Variants in DUSP6 observed in about 807,000 individuals in gnomAD.
DUSP6 encodes dual specificity phosphatase 6.
Under a neutral mutation model 28.0 loss-of-function variants are expected in DUSP6, and 6 were observed. That is an observed-to-expected ratio of 0.21 (90% CI 0.12 to 0.42). The LOEUF (loss-of-function observed/expected upper bound fraction) is 0.42, where lower values mean the gene tolerates loss of function less well. Ranked by LOEUF, DUSP6 falls within the 10% of genes least tolerant of loss-of-function variation. The pLI is 1.00. For missense variants in DUSP6, 451 were observed against 498.1 expected, an observed-to-expected ratio of 0.91 and a Z score of 0.90; for synonymous variants, 252 against 217.5, an observed-to-expected ratio of 1.16 and a Z score of -1.40.
rs1020641400 is a variant in DUSP6 at position 89,348,609 on chromosome 12, G to C, written c.*645C>G. The C allele has an allele frequency of 1.3e-5, 2 of 152,478 alleles. No individual in the cohort carries two copies. The highest frequency in any genetic ancestry group is 2.9e-5 in the Non-Finnish European group (2 of 68,026). 9.4% of individuals were successfully genotyped at this position (152,478 alleles called of 1,614,324 possible). A position where few individuals can be genotyped will look rare whatever the true frequency, so the allele number is the denominator to read the frequency against. On this transcript the variant is annotated 3_prime_UTR_variant, in exon 3 of 3. Transcript: ENST00000279488. The stretch of plus-strand genomic sequence containing the variant: ...CAAATATACCCTTTGGATTAGAAAA[G>C]AGCACAATTTTCTTTTTTTGTTTTG...
Position 89,352,153 on chromosome 12 carries a change from C to G in DUSP6, c.-114G>C. ...CTCTCGGAGCGGGGTTTAATTCCGC[C>G]TCGCCTTACCCAAGCCGAGGCTAGC... On this transcript the variant is annotated 5_prime_UTR_variant, in exon 1 of 3. Coordinates refer to ENST00000279488, the MANE Select transcript of DUSP6 (RefSeq NM_001946.4). 6.8e-7 allele frequency: 1 copy of G among 1,475,000 alleles called. No individual in the cohort carries two copies. Among genetic ancestry groups the G allele is most frequent in the East Asian group, 2.3e-5 (1 of 43,730 alleles). 91.4% of individuals were successfully genotyped at this position (1,475,000 alleles called of 1,614,324 possible). A position where few individuals can be genotyped will look rare whatever the true frequency, so the allele number is the denominator to read the frequency against.
intron 2 of DUSP6, 104 bp from the exon 3 acceptor site, chr12:89,349,665 T>A (rs1879113612): frequency 4.7e-6 from 4 of 856,160 alleles, no homozygotes; most frequent in Non-Finnish European, 7.1e-6. Flanking sequence ...TAATAATAGT[T>A]GTGTGTGGCA....
At position 89,347,878 on chromosome 12, in the gene DUSP6, G is replaced by A. The variant is rs936490098; in HGVS notation, c.*1376C>T. On this transcript the variant is annotated 3_prime_UTR_variant, in exon 3 of 3. Coordinates refer to ENST00000279488, the MANE Select transcript of DUSP6 (RefSeq NM_001946.4). ...TACACGGTACAGTCGGTCCATTCTAGGATGTCATCTTTATTCGTGGCAAAC... is the reference window on the plus strand; with the variant it reads ...TACACGGTACAGTCGGTCCATTCTAAGATGTCATCTTTATTCGTGGCAAAC... 1 of 152,136 alleles carries A rather than the reference G, an allele frequency of 6.6e-6. No individual in the cohort carries two copies. The highest frequency in any genetic ancestry group is 2.4e-5 in the African/African-American group (1 of 41,418). The allele number at this position is 152,136 out of a possible 1,614,324, so 9.4% of individuals were successfully genotyped here.
intron 2 of DUSP6, among the ~76,000 whole-genome samples, chr12:89,350,346 G>A (rs943939249): frequency 6.6e-6 from 1 of 152,204 alleles, no homozygotes; most frequent in African/African-American, 2.4e-5. Context: ...GACTGTCAAT[G>A]ACTGAATTCA....
intron 1 of DUSP6, 175 bp from the exon 2 acceptor site, chr12:89,351,200 C>G: frequency 1.3e-6 from 1 of 766,176 alleles, no homozygotes; most frequent in Non-Finnish European, 2.0e-6. Flanking sequence ...ATGGAACGAA[C>G]GGGCCCGCCT....
rs375413401 is a variant in DUSP6, at chr12:89,351,043, G to A, written c.401-18C>T. 1.2e-5 allele frequency: 18 copies of A among 1,561,086 alleles called. No individual in the cohort carries two copies. In the East Asian group the frequency reaches 1.6e-4, roughly 14 times the overall value. ...GAAGCCACCTGCCAGAACGAGAAAA[G>A]CAATCATCTAACCTGAGAAGCCGTA... On this transcript the variant is annotated intron_variant, in intron 1 of 2. Coordinates refer to ENST00000279488, the MANE Select transcript of DUSP6 (RefSeq NM_001946.4).
rs1421520341 is a variant in DUSP6 at position 89,348,699 on chromosome 12, AG to A, written c.*554del. 6.5e-6 allele frequency: 1 copy of A among 152,750 alleles called. No homozygotes were observed. The highest frequency in any genetic ancestry group is 1.5e-5 in the Non-Finnish European group (1 of 68,096). The allele number at this position is 152,750 out of a possible 1,614,324, so 9.5% of individuals were successfully genotyped here. ...GGATAATTTCTTTTAAGCCCATCAA[AG>A]GAAAAAACAAACACAATTCAAACAA... On this transcript the variant is annotated 3_prime_UTR_variant, in exon 3 of 3. Transcript: ENST00000279488.
At chr12:89,350,169 A>G (rs1187026347) in intron 2 of DUSP6, among the ~76,000 whole-genome samples, 1 of 152,236 alleles carries the variant, frequency 6.6e-6, no homozygotes, top group Non-Finnish European at 1.5e-5. Flanking sequence ...GATAACATTC[A>G]GCATTCATAC....
At position 89,352,238 on chromosome 12, in the gene DUSP6, G is replaced by T. The variant is rs1027559997; in HGVS notation, c.-199C>A. On this transcript the variant is annotated 5_prime_UTR_variant, in exon 1 of 3. Transcript: ENST00000279488. ...GTTCTCTCTGCACCCAGCTGCAGCC[G>T]CTGGCTCTTAGTGTCAATGAATCTC... 4.1e-6 allele frequency: 3 copies of T among 724,334 alleles called. No individual in the cohort carries two copies. Among genetic ancestry groups the T allele is most frequent in the Non-Finnish European group, 6.6e-6 (3 of 451,798 alleles). 44.9% of individuals were successfully genotyped at this position (724,334 alleles called of 1,614,324 possible). A position where few individuals can be genotyped will look rare whatever the true frequency, so the allele number is the denominator to read the frequency against.
At position 89,352,403 on chromosome 12, in the gene DUSP6, T is replaced by G; in HGVS notation, c.-364A>C. The G allele has an allele frequency of 1.3e-5, 3 of 227,724 alleles. No individual in the cohort carries two copies. The highest frequency in any genetic ancestry group is 2.3e-5 in the African/African-American group (1 of 44,298). 14.1% of individuals were successfully genotyped at this position (227,724 alleles called of 1,614,324 possible). A position where few individuals can be genotyped will look rare whatever the true frequency, so the allele number is the denominator to read the frequency against. ...TCCCTCCAAGGCTGCACCTCAAATCTACCCGGGCGTCTTTCTCCCCGGATT... is the reference window on the plus strand; with the variant it reads ...TCCCTCCAAGGCTGCACCTCAAATCGACCCGGGCGTCTTTCTCCCCGGATT... On this transcript the variant is annotated 5_prime_UTR_variant, in exon 1 of 3. Coordinates refer to ENST00000279488, the MANE Select transcript of DUSP6 (RefSeq NM_001946.4).
At position 89,350,647 on chromosome 12, in the gene DUSP6, A is replaced by C; in HGVS notation, c.779T>G (p.Ile260Ser). 6.2e-7 allele frequency: 1 copy of C among 1,614,148 alleles called. No homozygotes were observed. The highest frequency in any genetic ancestry group is 8.5e-7 in the Non-Finnish European group (1 of 1,180,014). Reference protein sequence around the residue: ...AGEFKYKQIPISDHWSQNLSQ... With the variant: ...AGEFKYKQIPSSDHWSQNLSQ... Reference sequence around the variant, plus strand: ...CAGGTTTTGGCTCCAGTGATCCGAGATGGGGATTTGCTTGTATTTAAACTC... The same window carrying C: ...CAGGTTTTGGCTCCAGTGATCCGAGCTGGGGATTTGCTTGTATTTAAACTC... Residue 260 changes from isoleucine (I) to serine (S), a missense_variant, in exon 2 of 3, where the codon ATC becomes AGC. Coordinates refer to ENST00000279488, the MANE Select transcript of DUSP6 (RefSeq NM_001946.4).
At position 89,348,438 on chromosome 12, in the gene DUSP6, CA is replaced by C. The variant is rs1879056821; in HGVS notation, c.*815del. On this transcript the variant is annotated 3_prime_UTR_variant, in exon 3 of 3. Coordinates refer to ENST00000279488, the MANE Select transcript of DUSP6 (RefSeq NM_001946.4). Reference sequence around the variant, plus strand: ...GCGACAACACAAGCAAAAATATTTACAAAGGTAAGGCATAGTCAAACTACAT... The same window carrying C: ...GCGACAACACAAGCAAAAATATTTACAAGGTAAGGCATAGTCAAACTACAT... 6.6e-6 allele frequency: 1 copy of C among 151,844 alleles called. No homozygotes were observed. The highest frequency in any genetic ancestry group is 2.4e-5 in the African/African-American group (1 of 41,296). 9.4% of individuals were successfully genotyped at this position (151,844 alleles called of 1,614,324 possible).
rs1196233353 is a variant in DUSP6 at position 89,351,679 on chromosome 12, T to G, written c.361A>C (p.Lys121Gln). Residue 121 changes from lysine (K) to glutamine (Q), a missense_variant, in exon 1 of 3, where the codon AAG becomes CAG. Around this residue, in one of 2 missense-constraint regions of DUSP6, gnomAD observed 347 missense variants for 346.6 expected, o/e 1.00. Coordinates refer to ENST00000279488, the MANE Select transcript of DUSP6 (RefSeq NM_001946.4). The stretch of plus-strand genomic sequence containing the variant: ...GCCCGGCAGCCCTCGTCCTTGAGCT[T>G]CTTGAGCAGCAGCCCGAGCACCGAC... ...GESVLGLLLK[K>Q]LKDEGCRAFY... 6.2e-7 allele frequency: 1 copy of G among 1,608,040 alleles called. No homozygotes were observed.
chr12:89,351,104 G>T (rs1257280560), intron 1 of DUSP6, 79 bp from the exon 2 acceptor site: 3 of 1,446,240 alleles, frequency 2.1e-6, no homozygotes, highest in African/African-American at 1.4e-5. Context: ...GCAGCCCGGC[G>T]CAAGAAACAC....
rs561960130 is a variant in DUSP6 at position 89,348,234 on chromosome 12, G to T, written c.*1020C>A. The T allele has an allele frequency of 7.2e-5, 11 of 152,622 alleles. No individual in the cohort carries two copies. The South Asian group carries it at 2.3e-3, about 32-fold the overall frequency. The allele number at this position is 152,622 out of a possible 1,614,324, so 9.5% of individuals were successfully genotyped here. The stretch of plus-strand genomic sequence containing the variant: ...CCATGCTCACACACACACACTTCCA[G>T]TTTTATACAAATTTTTTTAAAGGAA... On this transcript the variant is annotated 3_prime_UTR_variant, in exon 3 of 3. Coordinates refer to ENST00000279488, the MANE Select transcript of DUSP6 (RefSeq NM_001946.4).
chr12:89,352,168 C>G lies in DUSP6; in HGVS notation c.-129G>C. The G allele has an allele frequency of 7.1e-7, 1 of 1,404,012 alleles. No homozygotes were observed. The highest frequency in any genetic ancestry group is 9.6e-7 in the Non-Finnish European group (1 of 1,042,868). The allele number at this position is 1,404,012 out of a possible 1,614,324, so 87.0% of individuals were successfully genotyped here. A position where few individuals can be genotyped will look rare whatever the true frequency, so the allele number is the denominator to read the frequency against. On this transcript the variant is annotated 5_prime_UTR_variant, in exon 1 of 3. Coordinates refer to ENST00000279488, the MANE Select transcript of DUSP6 (RefSeq NM_001946.4). ...TTAATTCCGCCTCGCCTTACCCAAG[C>G]CGAGGCTAGCGGTTGGGGCAGACGA...
intron 1 of DUSP6, 91 bp downstream of exon 1, chr12:89,351,549 A>G: frequency 6.9e-7 from 1 of 1,440,736 alleles, no homozygotes; most frequent in African/African-American, 1.4e-5. Flanking sequence ...GCTCCAGCTG[A>G]GCGGAGCAGA....
At chr12:89,350,142 A>G (rs1174823460) in intron 2 of DUSP6, among the ~76,000 whole-genome samples, 1 of 152,214 alleles carries the variant, frequency 6.6e-6, no homozygotes, top group Non-Finnish European at 1.5e-5. Flanking sequence ...TACCAGTATC[A>G]CCGCATCATT....
chr12:89,349,752 A>G (rs1879117183), intron 2 of DUSP6, among the ~76,000 whole-genome samples, 191 bp from the exon 3 acceptor site: 2 of 152,308 alleles, frequency 1.3e-5, no homozygotes, highest in South Asian at 2.1e-4. Context: ...TATTTCAGAT[A>G]TTTTCTGAAA....
Sources: allele counts gnomAD v4.1 joint callset (sites outside exome capture counted in the v4.1 genomes callset), GRCh38; gene constraint gnomAD v4.1.1; regional missense constraint gnomAD v4.1.1; transcripts MANE v1.5; gene names NCBI Gene and HGNC (gene_info 2026-07-23, HGNC 2026-07-21).